RPS6KC1: variants seen among roughly 807,000 people sequenced by gnomAD.
RPS6KC1 encodes the protein inactive ribosomal protein S6 kinase delta-1.
In RPS6KC1, 54 loss-of-function variants were observed where a neutral mutation model predicts 103.8. That is an observed-to-expected ratio of 0.52 (90% CI 0.42 to 0.65). RPS6KC1 has a LOEUF of 0.65. RPS6KC1 is among the 30% of genes least tolerant of loss of function. RPS6KC1 has a pLI of 0.00. For missense variants in RPS6KC1, 1,151 were observed against 1,253.8 expected, an observed-to-expected ratio of 0.92 and a Z score of 1.24; for synonymous variants, 439 against 438.7, an observed-to-expected ratio of 1.00 and a Z score of -0.01.
chr1:213,513,708 TA>T, the RPS6KC1 span, among the ~76,000 whole-genome samples: 846 of 152,324 alleles, frequency 5.6e-3, 7 homozygotes, highest in African/African-American at 0.019. Context: ...CAGAGGAGGA[TA>T]AATACATTTA....
chr1:213,788,550 A>G, the RPS6KC1 span, among the ~76,000 whole-genome samples: 1 of 151,980 alleles, frequency 6.6e-6, no homozygotes, highest in African/African-American at 2.4e-5. Flanking sequence ...CCCTCCCCAT[A>G]CCCTGGGCAC....
At chr1:213,579,348 GA>G in the RPS6KC1 span, among the ~76,000 whole-genome samples, 4 of 152,210 alleles carry the variant, frequency 2.6e-5, 1 homozygote, top group African/African-American at 9.6e-5. Flanking sequence ...TGAAATCTGA[GA>G]GAGGTAAGGA....
At chr1:213,691,944 C>T in the RPS6KC1 span, among the ~76,000 whole-genome samples, 7 of 152,310 alleles carry the variant, frequency 4.6e-5, no homozygotes, top group African/African-American at 1.7e-4. Context: ...TGCAGAAGAC[C>T]TGCTTGCACT....
chr1:213,813,730 G>C, the RPS6KC1 span, among the ~76,000 whole-genome samples: 1 of 152,120 alleles, frequency 6.6e-6, no homozygotes, highest in Non-Finnish European at 1.5e-5. Context: ...AAGATAGAGC[G>C]ATAGATGGCC....
chr1:213,135,614 C>CA (rs1452278541), intron 6 of RPS6KC1, among the ~76,000 whole-genome samples: 13 of 152,244 alleles, frequency 8.5e-5, no homozygotes, highest in African/African-American at 2.9e-4. Flanking sequence ...CAGATCTTAA[C>CA]TGTTTTGAAA....
At chr1:213,428,014 C>T in the RPS6KC1 span, among the ~76,000 whole-genome samples, 1 of 151,936 alleles carries the variant, frequency 6.6e-6, no homozygotes. Context: ...GTGGTACCTG[C>T]CATTCCTTCT....
chr1:213,421,627 T>G, the RPS6KC1 span, among the ~76,000 whole-genome samples: 1 of 152,228 alleles, frequency 6.6e-6, no homozygotes, highest in African/African-American at 2.4e-5. Context: ...CCCCTCAGCC[T>G]CTCTTACCCC....
chr1:213,423,196 G>A, the RPS6KC1 span, among the ~76,000 whole-genome samples: 470 of 152,236 alleles, frequency 3.1e-3, 1 homozygote, highest in African/African-American at 0.011. Flanking sequence ...TCTTTTGTTC[G>A]GAGCTGAGGA....
chr1:213,706,248 G>A, the RPS6KC1 span, among the ~76,000 whole-genome samples: 1 of 152,210 alleles, frequency 6.6e-6, no homozygotes, highest in Non-Finnish European at 1.5e-5. Flanking sequence ...GAAGCTTGCA[G>A]AACTTAAGTT....
the RPS6KC1 span, among the ~76,000 whole-genome samples, chr1:213,704,399 A>C: frequency 2.6e-5 from 4 of 151,032 alleles, no homozygotes; most frequent in Admixed American, 2.0e-4. Flanking sequence ...AAAAAAAAAA[A>C]AAAAAAAAAA....
chr1:213,590,958 C>T, the RPS6KC1 span, among the ~76,000 whole-genome samples: 1 of 152,166 alleles, frequency 6.6e-6, no homozygotes, highest in Admixed American at 6.5e-5. Context: ...GGATAAACTG[C>T]AGCCCCCACC....
At chr1:213,349,478 A>C in the RPS6KC1 span, among the ~76,000 whole-genome samples, 2 of 152,260 alleles carry the variant, frequency 1.3e-5, no homozygotes, top group East Asian at 1.9e-4. Flanking sequence ...CGCACTTTCC[A>C]CACCCTGGGT....
chr1:213,117,463 T>G (rs1333811906), intron 5 of RPS6KC1, 53 bp downstream of exon 5: 1 of 1,013,558 alleles, frequency 9.9e-7, no homozygotes, highest in Non-Finnish European at 1.5e-6. Context: ...CAGAAGACTA[T>G]AAATCATATC....
At chr1:213,555,597 T>C in the RPS6KC1 span, among the ~76,000 whole-genome samples, 1 of 152,224 alleles carries the variant, frequency 6.6e-6, no homozygotes, top group South Asian at 2.1e-4. Flanking sequence ...TTCTTATTAA[T>C]GTTTATATCA....
At chr1:213,658,171 G>T in the RPS6KC1 span, among the ~76,000 whole-genome samples, 10 of 152,344 alleles carry the variant, frequency 6.6e-5, no homozygotes, top group South Asian at 2.1e-3. Flanking sequence ...TCAGATATGA[G>T]TGGTGTGGGT....
At chr1:213,605,957 G>A in the RPS6KC1 span, among the ~76,000 whole-genome samples, 1 of 152,210 alleles carries the variant, frequency 6.6e-6, no homozygotes, top group Non-Finnish European at 1.5e-5. Flanking sequence ...AAAGCCCAAG[G>A]AGAGCTTGAA....
chr1:213,340,973 T>TG, the RPS6KC1 span, among the ~76,000 whole-genome samples: 1 of 152,224 alleles, frequency 6.6e-6, no homozygotes, highest in Non-Finnish European at 1.5e-5. Context: ...CTTTATCAGG[T>TG]AGTTGAACCA....
At chr1:213,580,049 T>C in the RPS6KC1 span, among the ~76,000 whole-genome samples, 1 of 152,034 alleles carries the variant, frequency 6.6e-6, no homozygotes, top group Non-Finnish European at 1.5e-5. Flanking sequence ...AAAACGTACA[T>C]TTTGTAAGGT....
chr1:213,494,154 G>A, the RPS6KC1 span, among the ~76,000 whole-genome samples: 16 of 151,964 alleles, frequency 1.1e-4, no homozygotes, highest in African/African-American at 3.9e-4. Flanking sequence ...GAAATGGTTG[G>A]GACTAGGTTG....
Sources: allele counts gnomAD v4.1 joint callset (sites outside exome capture counted in the v4.1 genomes callset), GRCh38; gene constraint gnomAD v4.1.1; transcripts MANE v1.5; gene names NCBI Gene and HGNC (gene_info 2026-07-23, HGNC 2026-07-21).